Variants in COL4A2 observed in about 807,000 individuals in gnomAD.
The protein encoded by COL4A2 is collagen type IV alpha 2 chain.
COL4A2 carries 99 observed loss-of-function variants against 200.2 expected under a neutral mutation model. That is an observed-to-expected ratio of 0.49 (90% CI 0.42 to 0.58). The LOEUF is 0.58. Ranked by LOEUF, COL4A2 falls within the 20% of genes least tolerant of loss-of-function variation. The probability of loss-of-function intolerance (pLI) is 0.00; values close to 1 mark genes in which losing one functional copy is unlikely to be tolerated. For synonymous variants in COL4A2, 897 were observed against 900.6 expected, an observed-to-expected ratio of 1.00 and a Z score of 0.07; for missense variants, 1,950 against 2,314.1, an observed-to-expected ratio of 0.84 and a Z score of 3.23.
intron 40 of COL4A2, among the ~76,000 whole-genome samples, chr13:110,499,327 A>C (rs556243388): frequency 1.3e-5 from 2 of 152,304 alleles, no homozygotes; most frequent in East Asian, 3.9e-4. Context: ...GCGGAAGGGG[A>C]AGCAAACACA....
intron 4 of COL4A2, among the ~76,000 whole-genome samples, chr13:110,360,634 C>A (rs555934147): frequency 6.6e-6 from 1 of 152,208 alleles, no homozygotes; most frequent in South Asian, 2.1e-4. Context: ...AAAATCGACA[C>A]CTTCTGGTTA....
chr13:110,482,376 G>T, intron 31 of COL4A2, 140 bp from the exon 32 acceptor site: 2 of 865,234 alleles, frequency 2.3e-6, no homozygotes, highest in Non-Finnish European at 3.7e-6. Flanking sequence ...TTAGAAGATG[G>T]TGTCCCCGGA....
chr13:110,474,629 G>C (rs1012925656), intron 29 of COL4A2, among the ~76,000 whole-genome samples: 1 of 151,942 alleles, frequency 6.6e-6, no homozygotes, highest in African/African-American at 2.4e-5. Flanking sequence ...CACACATGCA[G>C]ATACCTACAC....
chr13:110,458,949 C>T lies in COL4A2; in HGVS notation c.1596+15C>T. The T allele has an allele frequency of 6.5e-7, 1 of 1,531,346 alleles. No homozygotes were observed. The highest frequency in any genetic ancestry group is 8.8e-7 in the Non-Finnish European group (1 of 1,141,790). 94.9% of individuals were successfully genotyped at this position (1,531,346 alleles called of 1,614,324 possible). On this transcript the variant is annotated intron_variant, in intron 22 of 47. Transcript: ENST00000360467. ...CAGGGCTCAAGGTGAGGAGCAATTT[C>T]ATCATGAAGCTGGCAAGACACTCTG...
intron 3 of COL4A2, among the ~76,000 whole-genome samples, chr13:110,314,198 C>G (rs1885073923): frequency 6.6e-6 from 1 of 152,180 alleles, no homozygotes; most frequent in Non-Finnish European, 1.5e-5. Context: ...ATCATGATGT[C>G]TGGGTGAAGG....
rs111321305 is a variant in COL4A2 at position 110,408,986 on chromosome 13, G to A, written c.181-15748G>A. Among the ~76,000 whole-genome samples the A allele has an allele frequency of 1.3e-4, 4 of 31,494 alleles. 1 individual carries two copies. The highest frequency in any genetic ancestry group is 2.4e-4 in the Non-Finnish European group (4 of 16,624). The allele number at this position is 31,494 out of a possible 152,430, so 20.7% of individuals were successfully genotyped here. ...ACATAACGCACATATACACACACAT[G>A]CACACACGCACACATACACACACAC... On this transcript the variant is annotated intron_variant, in intron 4 of 47. Coordinates refer to ENST00000360467, the MANE Select transcript of COL4A2 (RefSeq NM_001846.4).
intron 4 of COL4A2, among the ~76,000 whole-genome samples, chr13:110,381,616 G>A (rs935614422): frequency 1.3e-5 from 2 of 152,188 alleles, no homozygotes; most frequent in Non-Finnish European, 2.9e-5. Context: ...GGACAGGTCA[G>A]AAAAGGAGCC....
intron 20 of COL4A2, among the ~76,000 whole-genome samples, chr13:110,456,167 G>A (rs902829344): frequency 6.6e-6 from 1 of 152,258 alleles, no homozygotes; most frequent in East Asian, 1.9e-4. Flanking sequence ...CGGGATCATT[G>A]AGCCCTGCAG....
In COL4A2 at chr13:110,506,849, C is replaced by A. The variant is rs1883903962; in HGVS notation, c.4594+243C>A. Among the ~76,000 whole-genome samples, 4 of 152,158 alleles carry A rather than the reference C, an allele frequency of 2.6e-5. No homozygotes were observed. The South Asian group carries it at 8.3e-4, about 32-fold the overall frequency. On this transcript the variant is annotated intron_variant, in intron 46 of 47. Transcript: ENST00000360467. ...TGCCTTTTAACCTGGTATTGACTTC[C>A]GCAGGCTCCCATGTGACCCGTCTGA...
intron 3 of COL4A2, among the ~76,000 whole-genome samples, chr13:110,336,519 C>A (rs746785047): frequency 6.6e-6 from 1 of 152,168 alleles, no homozygotes; most frequent in African/African-American, 2.4e-5. Flanking sequence ...CTGATCCTTA[C>A]GACGACCTGG....
Position 110,429,959 on chromosome 13 carries a change from A to G in COL4A2, c.549+3A>G. On this transcript the variant is annotated splice_donor_region_variant and intron_variant, in intron 8 of 47. Transcript: ENST00000360467. ...AAGAGGAGCGCGACAGATATCGGGT[A>G]CGTTTGCAAGAGATGGGAGGGGTAA... is the stretch of plus-strand genomic sequence containing the variant. The G allele has an allele frequency of 1.9e-6, 3 of 1,595,944 alleles. No individual in the cohort carries two copies. Among genetic ancestry groups the G allele is most frequent in the Non-Finnish European group, 2.6e-6 (3 of 1,173,198 alleles).
chr13:110,316,449 A>G (rs1885131548), intron 3 of COL4A2, among the ~76,000 whole-genome samples: 1 of 152,150 alleles, frequency 6.6e-6, no homozygotes, highest in African/African-American at 2.4e-5. Flanking sequence ...CAGGCCCTGG[A>G]GCCACCAGCC....
intron 4 of COL4A2, among the ~76,000 whole-genome samples, chr13:110,370,248 G>C (rs1156888315): frequency 6.6e-6 from 1 of 150,806 alleles, no homozygotes; most frequent in Non-Finnish European, 1.5e-5. Context: ...CTTTTGACAA[G>C]TTTTTTGTTT....
intron 34 of COL4A2, among the ~76,000 whole-genome samples, chr13:110,487,780 T>G (rs1883160739): frequency 1.3e-5 from 2 of 152,214 alleles, no homozygotes. Context: ...ACAAGGCTGT[T>G]AGATGGGGTA....
At chr13:110,432,999 A>G (rs1275926395) in intron 11 of COL4A2, among the ~76,000 whole-genome samples, 2 of 152,268 alleles carry the variant, frequency 1.3e-5, no homozygotes, top group Non-Finnish European at 2.9e-5. Context: ...TGACAAGGGA[A>G]GTATTTGATC....
At chr13:110,409,089 TAC>T (rs1295303629) in intron 4 of COL4A2, among the ~76,000 whole-genome samples, 3 of 120,488 alleles carry the variant, frequency 2.5e-5, no homozygotes, top group Non-Finnish European at 3.4e-5. Flanking sequence ...TGCACATATA[TAC>T]ACACGGACAC....
intron 28 of COL4A2, 112 bp from the exon 29 acceptor site, chr13:110,472,817 T>G: frequency 1.1e-6 from 1 of 912,552 alleles, no homozygotes; most frequent in Non-Finnish European, 1.7e-6. Context: ...GAGGAATGCC[T>G]TCTGAGGACC....
intron 34 of COL4A2, 89 bp downstream of exon 34, chr13:110,485,925 G>A (rs1341586264): frequency 8.4e-6 from 13 of 1,553,528 alleles, no homozygotes; most frequent in Admixed American, 4.2e-5. Context: ...AATTTGCTAG[G>A]GTGAGAGTGT....
intron 6 of COL4A2, among the ~76,000 whole-genome samples, chr13:110,426,799 G>C (rs771744821): frequency 1.3e-5 from 2 of 152,176 alleles, no homozygotes; most frequent in Non-Finnish European, 2.9e-5. Context: ...TTCATTTTAA[G>C]CAAAAGCATC....
Sources: gnomAD v4.1 joint callset for allele counts (sites outside exome capture counted in the v4.1 genomes callset) on GRCh38, gnomAD v4.1.1 for gene constraint, MANE v1.5 for transcripts, NCBI Gene and HGNC (gene_info 2026-07-23, HGNC 2026-07-21) for gene names.